ROBO1: variants seen among roughly 807,000 people sequenced by gnomAD.
ROBO1 encodes the protein roundabout guidance receptor 1.
Under a neutral mutation model 195.9 loss-of-function variants are expected in ROBO1, and 149 were observed. That is an observed-to-expected ratio of 0.76 (90% CI 0.67 to 0.87). ROBO1 has a LOEUF of 0.87. Ranked by LOEUF, ROBO1 falls within the 40% of genes least tolerant of loss-of-function variation. The pLI, the probability that ROBO1 is intolerant of heterozygous loss-of-function variation, is 0.00. For missense variants in ROBO1, 1,933 were observed against 2,068.3 expected, an observed-to-expected ratio of 0.93 and a Z score of 1.27; for synonymous variants, 816 against 733.2, an observed-to-expected ratio of 1.11 and a Z score of -1.82.
chr3:79,058,252 TA>T (rs2078849655), intron 3 of ROBO1, among the ~76,000 whole-genome samples: 1 of 152,060 alleles, frequency 6.6e-6, no homozygotes, highest in Non-Finnish European at 1.5e-5. Flanking sequence ...AAGGGCTATT[TA>T]AAAAACAATT....
chr3:79,139,167 G>A (rs1432087328), intron 2 of ROBO1, among the ~76,000 whole-genome samples: 9 of 151,324 alleles, frequency 5.9e-5, no homozygotes, highest in African/African-American at 2.2e-4. Flanking sequence ...TATTATATAT[G>A]TATATATAAA....
chr3:78,616,353 T>C (rs1023336133), intron 27 of ROBO1, among the ~76,000 whole-genome samples: 2 of 152,162 alleles, frequency 1.3e-5, no homozygotes, highest in African/African-American at 4.8e-5. Flanking sequence ...GTTTATTACA[T>C]TCAGCAGCTA....
intron 4 of ROBO1, among the ~76,000 whole-genome samples, chr3:78,875,444 C>A (rs1269514832): frequency 6.6e-6 from 1 of 151,682 alleles, no homozygotes; most frequent in Non-Finnish European, 1.5e-5. Context: ...GGGATCGTGA[C>A]ATTATATAAA....
intron 3 of ROBO1, among the ~76,000 whole-genome samples, chr3:79,125,060 TAA>T (rs532881792): frequency 1.4e-5 from 2 of 143,642 alleles, no homozygotes. Flanking sequence ...ACTACAAGTG[TAA>T]AAAAAAAAAA....
chr3:78,730,512 C>T (rs2082262800), intron 5 of ROBO1, among the ~76,000 whole-genome samples: 2 of 64,820 alleles, frequency 3.1e-5, no homozygotes, highest in African/African-American at 6.0e-5. Flanking sequence ...AAGAAATATT[C>T]CTAAAATAGC....
chr3:79,659,282 C>G (rs1459861266), intron 1 of ROBO1, among the ~76,000 whole-genome samples: 1 of 152,028 alleles, frequency 6.6e-6, no homozygotes, highest in Non-Finnish European at 1.5e-5. Flanking sequence ...CAAATATCTT[C>G]AGAACTTCAT....
chr3:78,706,863 TG>T (rs1264472517), intron 8 of ROBO1, among the ~76,000 whole-genome samples: 1 of 151,906 alleles, frequency 6.6e-6, no homozygotes, highest in Admixed American at 6.6e-5. Flanking sequence ...TATGGGAAAA[TG>T]GGAACATGAA....
intron 2 of ROBO1, among the ~76,000 whole-genome samples, chr3:79,189,595 G>T (rs1277260620): frequency 6.6e-6 from 1 of 151,572 alleles, no homozygotes; most frequent in African/African-American, 2.4e-5. Context: ...TCCCAAAAAA[G>T]AAAATATATT....
chr3:79,546,537 G>C lies in ROBO1; in HGVS notation c.88+43287C>G, dbSNP rs77274380. ...GTTAAGCGCTTTGGATTGGCTACATGTTTAGAAAGCCCTGCTGCTGTATAG... is the reference window on the plus strand; with the variant it reads ...GTTAAGCGCTTTGGATTGGCTACATCTTTAGAAAGCCCTGCTGCTGTATAG... On this transcript the variant is annotated intron_variant, in intron 2 of 30. Coordinates refer to ENST00000464233, the MANE Select transcript of ROBO1 (RefSeq NM_002941.4). Among the ~76,000 whole-genome samples the C allele has an allele frequency of 4.4e-3, 663 of 152,250 alleles. 3 individuals carry two copies. The highest frequency in any genetic ancestry group is 0.013 in the African/African-American group (547 of 41,520).
chr3:78,834,215 A>G (rs887525451), intron 4 of ROBO1, among the ~76,000 whole-genome samples: 2 of 152,080 alleles, frequency 1.3e-5, no homozygotes, highest in Non-Finnish European at 1.5e-5. Context: ...TATCTAAAAT[A>G]AGTAGGATAT....
intron 3 of ROBO1, among the ~76,000 whole-genome samples, chr3:79,009,968 G>C (rs1480940092): frequency 6.6e-6 from 1 of 152,218 alleles, no homozygotes; most frequent in African/African-American, 2.4e-5. Context: ...TCCACAAACT[G>C]AACAGCACTG....
intron 2 of ROBO1, among the ~76,000 whole-genome samples, chr3:79,235,269 G>T (rs915624203): frequency 2.0e-5 from 3 of 152,052 alleles, no homozygotes; most frequent in African/African-American, 7.2e-5. Context: ...ACATCATCAA[G>T]AAAGTTTTTA....
chr3:79,487,852 A>G (rs1216563449), intron 2 of ROBO1, among the ~76,000 whole-genome samples: 3 of 152,220 alleles, frequency 2.0e-5, no homozygotes, highest in African/African-American at 7.2e-5. Flanking sequence ...TTAATGTGAA[A>G]TGATTATTTA....
chr3:79,757,465 T>C (rs554408354), intron 1 of ROBO1, among the ~76,000 whole-genome samples: 1 of 150,420 alleles, frequency 6.6e-6, no homozygotes, highest in South Asian at 2.1e-4. Flanking sequence ...TTCTTGTCAA[T>C]ACTTGCTCTC....
chr3:79,207,088 C>T (rs1020627889), intron 2 of ROBO1, among the ~76,000 whole-genome samples: 2 of 151,780 alleles, frequency 1.3e-5, no homozygotes, highest in Non-Finnish European at 2.9e-5. Flanking sequence ...TATTGCATTA[C>T]ATTAAATCTC....
intron 1 of ROBO1, among the ~76,000 whole-genome samples, chr3:79,687,448 G>A (rs376901229): frequency 6.6e-6 from 1 of 152,094 alleles, no homozygotes; most frequent in African/African-American, 2.4e-5. Context: ...CCTACAGAAT[G>A]GGAGAAATTT....
chr3:79,326,222 A>T (rs112134050), intron 2 of ROBO1, among the ~76,000 whole-genome samples: 40,954 of 151,706 alleles, frequency 0.27, 6,501 homozygotes, highest in African/African-American at 0.45. Context: ...GGTCCTGTGA[A>T]CTCGCCCTGC....
chr3:79,102,175 A>G (rs1296059213), intron 3 of ROBO1, among the ~76,000 whole-genome samples: 3 of 151,984 alleles, frequency 2.0e-5, no homozygotes, highest in Admixed American at 6.6e-5. Flanking sequence ...ATAATAGCAT[A>G]CGATGTTTAT....
At chr3:78,805,637 G>GA (rs2084513934) in intron 4 of ROBO1, among the ~76,000 whole-genome samples, 1 of 151,814 alleles carries the variant, frequency 6.6e-6, no homozygotes, top group South Asian at 2.1e-4. Context: ...GTCTATTGGG[G>GA]AAAAATATAT....
Sources: gnomAD v4.1 joint callset for allele counts (sites outside exome capture counted in the v4.1 genomes callset) on GRCh38, gnomAD v4.1.1 for gene constraint, MANE v1.5 for transcripts, NCBI Gene and HGNC (gene_info 2026-07-23, HGNC 2026-07-21) for gene names.